The following MAPK4 variants were observed in gnomAD, a reference collection of about 807,000 sequenced individuals.
MAPK4 encodes the protein Erk3-related.
MAPK4 carries 22 observed loss-of-function variants against 47.7 expected under a neutral mutation model. The observed-to-expected ratio is 0.46, with a 90% CI of 0.33 to 0.66. The LOEUF (loss-of-function observed/expected upper bound fraction) is 0.66, where lower values mean the gene tolerates loss of function less well. Among genes scored for constraint, MAPK4 ranks in the 30% least tolerant of loss-of-function variants. MAPK4 has a pLI of 0.02. For missense variants in MAPK4, 736 were observed against 831.7 expected, an observed-to-expected ratio of 0.88 and a Z score of 1.42; for synonymous variants, 390 against 365.7, an observed-to-expected ratio of 1.07 and a Z score of -0.76.
chr18:50,664,923 C>G lies in MAPK4; in HGVS notation c.546+419C>G, dbSNP rs1389551712. ...CTTCCCACCCTGTGAGCCTCATGCTCTGGTTGGTCTCACCTCCCTCATCCC... is the reference window on the plus strand; with the variant it reads ...CTTCCCACCCTGTGAGCCTCATGCTGTGGTTGGTCTCACCTCCCTCATCCC... On this transcript the variant is annotated intron_variant, in intron 2 of 5. Coordinates refer to ENST00000400384, the MANE Select transcript of MAPK4 (RefSeq NM_002747.4). This position sits in a 1 kb window ranked among gnomAD's most constrained non-coding sequence, Gnocchi z 6.0. Among the ~76,000 whole-genome samples the G allele has an allele frequency of 1.3e-5, 2 of 152,222 alleles. No homozygotes were observed. The highest frequency in any genetic ancestry group is 2.9e-5 in the Non-Finnish European group (2 of 68,038).
chr18:50,639,992 A>G lies in MAPK4; in HGVS notation c.-870-23097A>G, dbSNP rs564965365. On this transcript the variant is annotated intron_variant, in intron 1 of 5. Coordinates refer to ENST00000400384, the MANE Select transcript of MAPK4 (RefSeq NM_002747.4). ...CCACCTCACTTTCTTTTGTTCTCCT[A>G]ATGGAATCAGTTTAAATATGTCACA... Among the ~76,000 whole-genome samples, 290 of 152,316 alleles carry G rather than the reference A, an allele frequency of 1.9e-3. 3 individuals are homozygous for G. Among genetic ancestry groups the G allele is most frequent in the African/African-American group, 6.7e-3 (279 of 41,572 alleles).
At chr18:50,630,245 G>T (rs1380836552) in intron 1 of MAPK4, among the ~76,000 whole-genome samples, 2 of 152,190 alleles carry the variant, frequency 1.3e-5, no homozygotes, top group Non-Finnish European at 2.9e-5. Flanking sequence ...CTGGAGTGCA[G>T]TGGCACGATC....
chr18:50,559,816 C>T (rs2042135023), upstream of MAPK4, among the ~76,000 whole-genome samples: 1 of 151,884 alleles, frequency 6.6e-6, no homozygotes, highest in African/African-American at 2.4e-5. Flanking sequence ...GAAGGCCAGG[C>T]TACCCGGGAC....
At position 50,729,909 on chromosome 18, in the gene MAPK4, G is replaced by T. The variant is rs548550215; in HGVS notation, c.*55G>T. ...AGCAGGAGACCCCCAGAGAAAGCCG[G>T]GGCTGGCAGGAGGCGGCCGCCCTTC... On this transcript the variant is annotated 3_prime_UTR_variant, in exon 6 of 6. Transcript: ENST00000400384. 17 of 1,474,028 alleles carry T rather than the reference G, an allele frequency of 1.2e-5. No individual in the cohort carries two copies. In the South Asian group the frequency reaches 1.6e-4, roughly 14 times the overall value. 91.3% of individuals were successfully genotyped at this position (1,474,028 alleles called of 1,614,324 possible).
intron 3 of MAPK4, among the ~76,000 whole-genome samples, chr18:50,718,907 C>A (rs1910775683): frequency 6.6e-6 from 1 of 151,722 alleles, no homozygotes; most frequent in South Asian, 2.1e-4. Context: ...CATGGTGGAA[C>A]CCCGTCTCTA....
In MAPK4 at chr18:50,664,216, C is replaced by T. The variant is rs768107488; in HGVS notation, c.258C>T (p.Pro86=). The T allele has an allele frequency of 1.2e-6, 2 of 1,613,924 alleles. No individual in the cohort carries two copies. Among genetic ancestry groups the T allele is most frequent in the African/African-American group, 2.7e-5 (2 of 74,912 alleles). Residue 86 remains proline, a synonymous_variant, in exon 2 of 6, where the codon CCC becomes CCT. Transcript: ENST00000400384. This position sits in a 1 kb window ranked among gnomAD's most constrained non-coding sequence, Gnocchi z 6.0. ...NIVKVYEVLG[P]KGTDLQGELF... is the part of the protein sequence containing the mutation. ...TCAAAGTGTACGAGGTGCTCGGTCC[C>T]AAGGGCACTGACCTGCAGGGTGAGC...
At chr18:50,714,390 AC>A (rs1219674266) in intron 2 of MAPK4, among the ~76,000 whole-genome samples, 2 of 152,182 alleles carry the variant, frequency 1.3e-5, no homozygotes, top group African/African-American at 4.8e-5. Flanking sequence ...TCCATCTCAG[AC>A]CACAAATCAC....
chr18:50,664,100 G>T lies in MAPK4; in HGVS notation c.142G>T (p.Val48Leu). 6.2e-7 allele frequency: 1 copy of T among 1,614,090 alleles called. No homozygotes were observed. ...CAGCCGGGCCTGCCGGAAGGTCGCT[G>T]TGAAGAAGATTGCCCTGAGCGATGC... ...VDSRACRKVAVKKIALSDARS... is the reference protein window; with the variant it reads ...VDSRACRKVALKKIALSDARS... The change falls in exon 2 of 6, where the codon GTG becomes TTG. Residue 48 changes from valine to leucine, a missense_variant. By Grantham distance (32) the Val-to-Leu change is conservative. This residue lies in a region of MAPK4 where 327 missense variants were observed against 395.4 expected (regional missense o/e 0.83). Coordinates refer to ENST00000400384, the MANE Select transcript of MAPK4 (RefSeq NM_002747.4). The surrounding 1 kb of genome is among the most constrained non-coding windows in gnomAD (Gnocchi z 6.0).
At position 50,722,041 on chromosome 18, in the gene MAPK4, C is replaced by T; in HGVS notation, c.795C>T (p.Ser265=). Residue 265 remains serine (S), a synonymous_variant, in exon 4 of 6, where the codon AGC becomes AGT. Coordinates refer to ENST00000400384, the MANE Select transcript of MAPK4 (RefSeq NM_002747.4). ...ELLRVMPSFV[S]STWEVKRPLR... is the part of the protein sequence containing the mutation. Reference sequence around the variant, plus strand: ...TCAGGGTGATGCCTTCCTTTGTCAGCAGCACCTGGGAGGTGAAGAGGCCTC... The same window carrying T: ...TCAGGGTGATGCCTTCCTTTGTCAGTAGCACCTGGGAGGTGAAGAGGCCTC... The T allele has an allele frequency of 1.9e-6, 3 of 1,613,804 alleles. No homozygotes were observed. Among genetic ancestry groups the T allele is most frequent in the Non-Finnish European group, 2.5e-6 (3 of 1,179,894 alleles).
chr18:50,610,831 C>G (rs1171302937), intron 1 of MAPK4, among the ~76,000 whole-genome samples: 2 of 152,216 alleles, frequency 1.3e-5, no homozygotes, highest in Non-Finnish European at 2.9e-5. Context: ...TCCTCTCCTT[C>G]TCCCCTTTCT....
intron 2 of MAPK4, among the ~76,000 whole-genome samples, chr18:50,680,130 C>T (rs1158925591): frequency 1.7e-5 from 2 of 119,398 alleles, no homozygotes; most frequent in African/African-American, 7.0e-5. Flanking sequence ...TCGCTCTTGT[C>T]GTCCAGGCTG....
intron 2 of MAPK4, among the ~76,000 whole-genome samples, chr18:50,677,881 A>G (rs898294801): frequency 3.3e-5 from 5 of 152,154 alleles, no homozygotes; most frequent in Admixed American, 2.0e-4. Flanking sequence ...CTCCCCACCC[A>G]GAGTGGCTGC....
chr18:50,620,974 T>G (rs573610128), intron 1 of MAPK4, among the ~76,000 whole-genome samples: 8 of 152,296 alleles, frequency 5.3e-5, no homozygotes, highest in African/African-American at 1.9e-4. Context: ...TTTGACTTGC[T>G]AAGAAACAGG....
At chr18:50,658,160 CT>C (rs1416445787) in intron 1 of MAPK4, among the ~76,000 whole-genome samples, 2 of 152,158 alleles carry the variant, frequency 1.3e-5, no homozygotes, top group African/African-American at 4.8e-5. Flanking sequence ...TTCTTGGTTT[CT>C]CTTTCCATAG....
chr18:50,667,968 C>T (rs1333939509), intron 2 of MAPK4, among the ~76,000 whole-genome samples: 2 of 152,112 alleles, frequency 1.3e-5, no homozygotes, highest in South Asian at 2.1e-4. Flanking sequence ...TCCGTGCCTC[C>T]GGAACTTCTG....
chr18:50,692,879 A>G (rs1278323241), intron 2 of MAPK4, among the ~76,000 whole-genome samples: 1 of 152,136 alleles, frequency 6.6e-6, no homozygotes, highest in Non-Finnish European at 1.5e-5. Flanking sequence ...TTTTGAACTC[A>G]TGAGTAAGGA....
At chr18:50,673,534 T>A (rs1908084159) in intron 2 of MAPK4, among the ~76,000 whole-genome samples, 1 of 152,210 alleles carries the variant, frequency 6.6e-6, no homozygotes, top group South Asian at 2.1e-4. Flanking sequence ...TTTATTCTCA[T>A]GTTTAAAGTT....
chr18:50,573,759 C>A (rs2042270677), intron 1 of MAPK4, among the ~76,000 whole-genome samples: 1 of 152,118 alleles, frequency 6.6e-6, no homozygotes, highest in Non-Finnish European at 1.5e-5. Context: ...ATCATCAGAC[C>A]AAAATCTATA....
intron 2 of MAPK4, among the ~76,000 whole-genome samples, chr18:50,681,729 G>T (rs1471952067): frequency 6.6e-6 from 1 of 152,136 alleles, no homozygotes; most frequent in Non-Finnish European, 1.5e-5. Context: ...AACTATAAAT[G>T]TAAGAGTTAT....
Sources: gnomAD v4.1 joint callset for allele counts (sites outside exome capture counted in the v4.1 genomes callset) on GRCh38, gnomAD v4.1.1 for gene constraint, gnomAD v4.1.1 regional missense constraint, Gnocchi (gnomAD v3.1) non-coding constraint, MANE v1.5 for transcripts, NCBI Gene and HGNC (gene_info 2026-07-23, HGNC 2026-07-21) for gene names.